The following BRD3 variants were observed in gnomAD, a reference collection of about 807,000 sequenced individuals.
The protein encoded by BRD3 is bromodomain-containing protein 3.
BRD3 carries 17 observed loss-of-function variants against 66.8 expected under a neutral mutation model. The ratio of observed to expected loss-of-function variants is 0.25; its 90% confidence interval spans 0.17 to 0.38. The LOEUF (loss-of-function observed/expected upper bound fraction) is 0.38. BRD3 is among the 10% of genes least tolerant of loss of function. The pLI is 1.00. For synonymous variants in BRD3, 421 were observed against 393.2 expected, an observed-to-expected ratio of 1.07 and a Z score of -0.84; for missense variants, 713 against 956.1, an observed-to-expected ratio of 0.75 and a Z score of 3.35.
At chr9:134,064,408 C>T (rs1294372421) in intron 1 of BRD3, among the ~76,000 whole-genome samples, 1 of 151,744 alleles carries the variant, frequency 6.6e-6, no homozygotes, top group African/African-American at 2.4e-5. Context: ...GGCGTGGTGG[C>T]GGGCACCTGT....
chr9:134,065,292 C>T (rs752142054), intron 1 of BRD3, among the ~76,000 whole-genome samples: 26 of 152,232 alleles, frequency 1.7e-4, no homozygotes, highest in Non-Finnish European at 2.5e-4. Flanking sequence ...GGCGTGGTGG[C>T]GGACGCCTGT....
Position 134,048,474 on chromosome 9 carries a change from A to T in BRD3, c.715-20T>A. 1 of 1,597,950 alleles carries T rather than the reference A, an allele frequency of 6.3e-7. No homozygotes were observed. The highest frequency in any genetic ancestry group is 8.5e-7 in the Non-Finnish European group (1 of 1,179,650). On this transcript the variant is annotated intron_variant, in intron 5 of 11. Coordinates refer to ENST00000303407, the MANE Select transcript of BRD3 (RefSeq NM_007371.4). ...CTTTTTCTGCGACAGTGAAATAACC[A>T]GTGAACCCCGGAAACCAGGGGCCCC...
intron 1 of BRD3, among the ~76,000 whole-genome samples, chr9:134,061,859 G>A (rs1214081547): frequency 2.0e-5 from 3 of 152,066 alleles, no homozygotes; most frequent in South Asian, 2.1e-4. Flanking sequence ...TGCTGTGATC[G>A]GCTGTGGCAG....
intron 1 of BRD3, among the ~76,000 whole-genome samples, chr9:134,064,409 G>A (rs1223738547): frequency 4.0e-5 from 6 of 151,774 alleles, no homozygotes; most frequent in Non-Finnish European, 5.9e-5. Flanking sequence ...GCGTGGTGGC[G>A]GGCACCTGTA....
chr9:134,051,051 CG>C (rs1830283243), intron 4 of BRD3, among the ~76,000 whole-genome samples: 1 of 152,218 alleles, frequency 6.6e-6, no homozygotes. Flanking sequence ...ACCTGCATGC[CG>C]GGTTCCCAGG....
chr9:134,065,773 G>A (rs1453028302), intron 1 of BRD3, among the ~76,000 whole-genome samples: 1 of 152,200 alleles, frequency 6.6e-6, no homozygotes, highest in Admixed American at 6.5e-5. Flanking sequence ...GAAAGTGGTG[G>A]CACTTCCTGG....
chr9:134,031,961 C>G lies in BRD3; in HGVS notation c.*1629G>C, dbSNP rs1195972146. The G allele has an allele frequency of 4.6e-6, 1 of 216,720 alleles. No individual in the cohort carries two copies. Among genetic ancestry groups the G allele is most frequent in the African/African-American group, 2.3e-5 (1 of 44,318 alleles). The allele number at this position is 216,720 out of a possible 1,614,324, so 13.4% of individuals were successfully genotyped here. ...ACCGTGCGAGTCTCCGGGAGGGAAT[C>G]CTCCTGGGGCCCAGAGACTCCTCCA... On this transcript the variant is annotated 3_prime_UTR_variant, in exon 12 of 12. Transcript: ENST00000303407.
intron 1 of BRD3, among the ~76,000 whole-genome samples, chr9:134,059,548 C>G (rs180760914): frequency 6.6e-6 from 1 of 152,216 alleles, no homozygotes; most frequent in African/African-American, 2.4e-5. Context: ...AGCTGCCCTG[C>G]GGGAATGTGC....
chr9:134,045,236 C>A lies in BRD3; in HGVS notation c.1215+57G>T. 1.9e-6 allele frequency: 3 copies of A among 1,598,650 alleles called. No individual in the cohort carries two copies. Among genetic ancestry groups the A allele is most frequent in the Non-Finnish European group, 1.7e-6 (2 of 1,169,926 alleles). On this transcript the variant is annotated intron_variant, in intron 7 of 11. Coordinates refer to ENST00000303407, the MANE Select transcript of BRD3 (RefSeq NM_007371.4). The surrounding 1 kb of genome is among the most constrained non-coding windows in gnomAD (Gnocchi z 4.8). ...CCTGGGCGCTTACCCCACACTGAGG[C>A]CAGGATGCCCACAGCACTGAGCTGA...
Position 134,048,493 on chromosome 9 carries a change from GGGCC to G in BRD3, c.715-43_715-40del, listed in dbSNP as rs1830223960. 2.5e-6 allele frequency: 4 copies of G among 1,596,736 alleles called. No individual in the cohort carries two copies. The East Asian group carries it at 8.9e-5, about 36-fold the overall frequency. On this transcript the variant is annotated intron_variant, in intron 5 of 11. Transcript: ENST00000303407. ...ATAACCAGTGAACCCCGGAAACCAG[GGGCC>G]CCGAAGACGCATGTCGCTGCAGCCG...
intron 1 of BRD3, among the ~76,000 whole-genome samples, chr9:134,062,346 G>T (rs1477671403): frequency 1.3e-5 from 2 of 152,268 alleles, no homozygotes; most frequent in African/African-American, 4.8e-5. Context: ...CTGGGGCATG[G>T]CCCCAGACAC....
At chr9:134,064,820 A>C (rs550668859) in intron 1 of BRD3, among the ~76,000 whole-genome samples, 4 of 152,344 alleles carry the variant, frequency 2.6e-5, no homozygotes, top group African/African-American at 9.6e-5. Context: ...ATGATTTCAC[A>C]GGAAGGAGAA....
At chr9:134,061,863 G>A (rs1335504656) in intron 1 of BRD3, among the ~76,000 whole-genome samples, 1 of 152,200 alleles carries the variant, frequency 6.6e-6, no homozygotes, top group African/African-American at 2.4e-5. Context: ...GTGATCGGCT[G>A]TGGCAGGAGG....
In BRD3 at chr9:134,030,426, A is replaced by C. The variant is rs1186155573; in HGVS notation, c.*3164T>G. 1.8e-5 allele frequency: 3 copies of C among 163,834 alleles called. No homozygotes were observed. The highest frequency in any genetic ancestry group is 2.2e-4 in the East Asian group (2 of 9,192). The allele number at this position is 163,834 out of a possible 1,614,324, so 10.1% of individuals were successfully genotyped here. A position where few individuals can be genotyped will look rare whatever the true frequency, so the allele number is the denominator to read the frequency against. On this transcript the variant is annotated 3_prime_UTR_variant, in exon 12 of 12. Transcript: ENST00000303407. ...CTACCATTTTTATTCTGTTGTGTTG[A>C]GGCCAGCATTGCAATAAACAAGCTA...
intron 1 of BRD3, among the ~76,000 whole-genome samples, chr9:134,067,231 G>A (rs149929690): frequency 7.6e-4 from 115 of 152,236 alleles, no homozygotes; most frequent in Middle Eastern, 3.4e-3. Context: ...TTCAAAACGG[G>A]AACTGGGTCT....
At position 134,036,142 on chromosome 9, in the gene BRD3, G is replaced by C; in HGVS notation, c.1826C>G (p.Ser609Cys). The change falls in exon 10 of 12, where the codon TCC becomes TGC. Residue 609 changes from serine (S) to cysteine (C), a missense_variant. Physicochemically the swap from Ser to Cys is moderately radical, Grantham distance 112. This residue lies in a region of BRD3 where 418 missense variants were observed against 609.3 expected (regional missense o/e 0.69). Transcript: ENST00000303407. ...IQSREPSLRD[S>C]NPDEIEIDFE... The stretch of plus-strand genomic sequence containing the variant: ...GTCAATTTCTATCTCGTCGGGGTTG[G>C]AGTCCCTGAGCGAGGGCTCCCGAGA... 6.2e-7 allele frequency: 1 copy of C among 1,614,236 alleles called. No homozygotes were observed.
chr9:134,065,066 C>T (rs940170679), intron 1 of BRD3, among the ~76,000 whole-genome samples: 1 of 152,242 alleles, frequency 6.6e-6, no homozygotes, highest in African/African-American at 2.4e-5. Context: ...GGCAAGAAGC[C>T]TTGCATTCTA....
chr9:134,052,582 C>G (rs975200181), intron 2 of BRD3, 139 bp from the exon 3 acceptor site: 2 of 941,802 alleles, frequency 2.1e-6, no homozygotes, highest in Non-Finnish European at 1.6e-6. Flanking sequence ...TCTCTGAAGG[C>G]AGTGGGCTAT....
At chr9:134,064,115 C>T (rs1830598351) in intron 1 of BRD3, among the ~76,000 whole-genome samples, 1 of 152,308 alleles carries the variant, frequency 6.6e-6, no homozygotes, top group South Asian at 2.1e-4. Context: ...ACAACAGGGT[C>T]CGAGCCTCCA....
Sources: gnomAD v4.1 joint callset for allele counts (sites outside exome capture counted in the v4.1 genomes callset) on GRCh38, gnomAD v4.1.1 for gene constraint, gnomAD v4.1.1 regional missense constraint, Gnocchi (gnomAD v3.1) non-coding constraint, MANE v1.5 for transcripts, NCBI Gene and HGNC (gene_info 2026-07-23, HGNC 2026-07-21) for gene names.